PLXDC2: variants seen among roughly 807,000 people sequenced by gnomAD.
The protein encoded by PLXDC2 is plexin domain containing 2.
Under a neutral mutation model 68.9 loss-of-function variants are expected in PLXDC2, and 40 were observed. That is an observed-to-expected ratio of 0.58 (90% CI 0.45 to 0.76). PLXDC2 has a LOEUF of 0.76. Ranked by LOEUF, PLXDC2 falls within the 30% of genes least tolerant of loss-of-function variation. PLXDC2 has a pLI of 0.00. For missense variants in PLXDC2, 644 were observed against 661.9 expected (o/e 0.97, Z 0.30); for synonymous variants, 243 against 234.2 (o/e 1.04, Z -0.34).
chr10:20,182,600 T>C (rs1456520510), intron 9 of PLXDC2, among the ~76,000 whole-genome samples: 2 of 152,020 alleles, frequency 1.3e-5, no homozygotes, highest in African/African-American at 4.8e-5. Context: ...TTTTCATTTC[T>C]CTGGGTTGGG....
intron 4 of PLXDC2, among the ~76,000 whole-genome samples, chr10:20,104,993 G>GTGAGCCGA (rs1423357070): frequency 1.4e-5 from 2 of 144,896 alleles, no homozygotes; most frequent in African/African-American, 5.2e-5. Flanking sequence ...AGAGGTTGCA[G>GTGAGCCGA]TGAGCCGAGA....
intron 2 of PLXDC2, among the ~76,000 whole-genome samples, chr10:20,010,560 C>T (rs1166664896): frequency 6.6e-6 from 1 of 152,082 alleles, no homozygotes; most frequent in Non-Finnish European, 1.5e-5. Context: ...CAAAGAGTTC[C>T]ATGAAGAATA....
chr10:20,121,980 G>A (rs948728531), intron 4 of PLXDC2, among the ~76,000 whole-genome samples: 1 of 151,988 alleles, frequency 6.6e-6, no homozygotes, highest in Admixed American at 6.6e-5. Flanking sequence ...TTGCCAAGGA[G>A]GGAGTAGAGG....
At chr10:19,933,770 T>A (rs1833678904) in intron 1 of PLXDC2, among the ~76,000 whole-genome samples, 1 of 144,722 alleles carries the variant, frequency 6.9e-6, no homozygotes, top group Non-Finnish European at 1.5e-5. Context: ...AGATAAAGTA[T>A]GGAAGGAAGG....
intron 1 of PLXDC2, among the ~76,000 whole-genome samples, chr10:19,940,559 AAACAAAC>A (rs1233215604): frequency 1.3e-5 from 2 of 151,004 alleles, no homozygotes; most frequent in African/African-American, 4.9e-5. Flanking sequence ...AAAAAAAAAA[AAACAAAC>A]AATTTTTCTT....
At position 20,206,753 on chromosome 10, in the gene PLXDC2, A is replaced by C. The variant is rs368829667; in HGVS notation, c.1062-4916A>C. Among the ~76,000 whole-genome samples, 8 of 152,102 alleles carry C rather than the reference A, an allele frequency of 5.3e-5. No homozygotes were observed. In the East Asian group the frequency reaches 5.8e-4, roughly 11 times the overall value. On this transcript the variant is annotated intron_variant, in intron 9 of 13. Coordinates refer to ENST00000377252, the MANE Select transcript of PLXDC2 (RefSeq NM_032812.9). ...TTGCATTTGGACAGGCATCTCAGGT[A>C]ATTCCAATGTGGGAGAGCCTCTTTG...
intron 13 of PLXDC2, among the ~76,000 whole-genome samples, chr10:20,262,104 A>T (rs978382265): frequency 1.3e-5 from 2 of 152,128 alleles, no homozygotes; most frequent in Admixed American, 6.5e-5. Flanking sequence ...AAGAAAAGCA[A>T]GATAGGACAA....
intron 4 of PLXDC2, among the ~76,000 whole-genome samples, chr10:20,107,504 C>T (rs989674790): frequency 3.3e-5 from 5 of 152,182 alleles, no homozygotes; most frequent in Admixed American, 2.6e-4. Context: ...TCAGGCAACA[C>T]CTAAAGTTCT....
chr10:19,965,950 C>G (rs900090907), intron 1 of PLXDC2, among the ~76,000 whole-genome samples: 3 of 151,996 alleles, frequency 2.0e-5, no homozygotes, highest in African/African-American at 7.3e-5. Context: ...GAAGATGCTT[C>G]TTTTAGGTAT....
At chr10:20,159,650 C>T (rs1417411967) in intron 6 of PLXDC2, among the ~76,000 whole-genome samples, 5 of 152,164 alleles carry the variant, frequency 3.3e-5, no homozygotes, top group Non-Finnish European at 7.3e-5. Context: ...TCCAGTGTCA[C>T]TGTCATGGCT....
At chr10:20,230,737 T>A in intron 12 of PLXDC2, among the ~76,000 whole-genome samples, 2 of 124,994 alleles carry the variant, frequency 1.6e-5, no homozygotes, top group Non-Finnish European at 3.6e-5. Context: ...GTCATTTCAT[T>A]AGGAACCATT....
At chr10:20,110,253 A>G (rs1372484478) in intron 4 of PLXDC2, among the ~76,000 whole-genome samples, 1 of 152,076 alleles carries the variant, frequency 6.6e-6, no homozygotes, top group Non-Finnish European at 1.5e-5. Flanking sequence ...ATTGGAGAAA[A>G]AGAATGAAGA....
chr10:19,928,375 G>GAC (rs1473443715), intron 1 of PLXDC2, among the ~76,000 whole-genome samples: 1 of 152,160 alleles, frequency 6.6e-6, no homozygotes, highest in East Asian at 1.9e-4. Flanking sequence ...ACTAATGATG[G>GAC]ACACAATATA....
chr10:20,131,186 CT>C (rs1833862858), intron 4 of PLXDC2, among the ~76,000 whole-genome samples: 5 of 135,082 alleles, frequency 3.7e-5, no homozygotes, highest in African/African-American at 8.0e-5. Flanking sequence ...TTCAGATTTT[CT>C]ATTCTGTTTT....
intron 3 of PLXDC2, among the ~76,000 whole-genome samples, chr10:20,059,505 G>A (rs540978449): frequency 6.6e-6 from 1 of 152,284 alleles, no homozygotes; most frequent in African/African-American, 2.4e-5. Flanking sequence ...TTCCCTTGAA[G>A]AGCACCATTC....
intron 4 of PLXDC2, among the ~76,000 whole-genome samples, chr10:20,142,590 T>G (rs1282262109): frequency 6.6e-6 from 1 of 152,082 alleles, no homozygotes; most frequent in Non-Finnish European, 1.5e-5. Flanking sequence ...TTCTCCATAA[T>G]AAATTCCCTC....
At chr10:19,901,231 A>G (rs1589527260) in intron 1 of PLXDC2, among the ~76,000 whole-genome samples, 1 of 151,988 alleles carries the variant, frequency 6.6e-6, no homozygotes, top group African/African-American at 2.4e-5. Context: ...ATCTACTTTT[A>G]TTTCTTCAAG....
intron 1 of PLXDC2, among the ~76,000 whole-genome samples, chr10:19,957,931 C>T (rs1361023382): frequency 6.6e-6 from 1 of 151,998 alleles, no homozygotes; most frequent in African/African-American, 2.4e-5. Context: ...TAGGTGCTAC[C>T]AGAAAGATTA....
At chr10:19,893,108 T>A (rs950169781) in intron 1 of PLXDC2, among the ~76,000 whole-genome samples, 1 of 152,102 alleles carries the variant, frequency 6.6e-6, no homozygotes, top group Non-Finnish European at 1.5e-5. Context: ...GCATAGGTAA[T>A]CTTATCGGCT....
Sources: allele counts gnomAD v4.1 joint callset (sites outside exome capture counted in the v4.1 genomes callset), GRCh38; gene constraint gnomAD v4.1.1; transcripts MANE v1.5; gene names NCBI Gene and HGNC (gene_info 2026-07-23, HGNC 2026-07-21).